PRUNE2: variants seen among roughly 807,000 people sequenced by gnomAD.
PRUNE2 encodes the protein prune homolog 2 with BCH domain.
A neutral mutation model predicts 252.0 loss-of-function variants in PRUNE2; 164 were observed. That is an observed-to-expected ratio of 0.65 (90% CI 0.57 to 0.74). PRUNE2 has a LOEUF of 0.74. PRUNE2 is among the 30% of genes least tolerant of loss of function. PRUNE2 has a pLI of 0.00. For synonymous variants in PRUNE2, 1,292 were observed against 1,350.2 expected (o/e 0.96, Z 0.94); for missense variants, 3,495 against 3,711.0 (o/e 0.94, Z 1.51).
chr9:76,819,157 G>C (rs1238467897), intron 6 of PRUNE2, among the ~76,000 whole-genome samples: 1 of 152,142 alleles, frequency 6.6e-6, no homozygotes, highest in African/African-American at 2.4e-5. Context: ...GGATGAGGTG[G>C]GAGGATCCCT....
At chr9:76,804,071 C>T (rs1198625883) in intron 6 of PRUNE2, among the ~76,000 whole-genome samples, 1 of 152,166 alleles carries the variant, frequency 6.6e-6, no homozygotes, top group Non-Finnish European at 1.5e-5. Context: ...CACACTGCCT[C>T]TCTCACACAT....
intron 1 of PRUNE2, among the ~76,000 whole-genome samples, chr9:76,889,363 T>C (rs1190825427): frequency 6.6e-6 from 1 of 151,358 alleles, no homozygotes; most frequent in Non-Finnish European, 1.5e-5. Flanking sequence ...AGACAGAGTT[T>C]AGGCTGGAGT....
intron 15 of PRUNE2, among the ~76,000 whole-genome samples, chr9:76,635,421 T>G (rs1480843625): frequency 6.6e-6 from 1 of 152,206 alleles, no homozygotes; most frequent in African/African-American, 2.4e-5. Context: ...CTAAAAATTC[T>G]GATAACTTCG....
intron 6 of PRUNE2, among the ~76,000 whole-genome samples, chr9:76,718,286 G>A (rs964015978): frequency 5.9e-5 from 9 of 152,206 alleles, no homozygotes; most frequent in African/African-American, 2.2e-4. Flanking sequence ...AGAATGTCTT[G>A]TAAACATTTC....
At chr9:76,888,790 G>A (rs571302878) in intron 1 of PRUNE2, among the ~76,000 whole-genome samples, 1 of 152,000 alleles carries the variant, frequency 6.6e-6, no homozygotes, top group African/African-American at 2.4e-5. Flanking sequence ...CTAAAAGACT[G>A]CCAGTTCCTT....
chr9:76,865,329 C>T (rs902224392), intron 1 of PRUNE2, among the ~76,000 whole-genome samples: 10 of 151,960 alleles, frequency 6.6e-5, no homozygotes, highest in African/African-American at 1.2e-4. Flanking sequence ...CCTGCCGCTA[C>T]AAAAGTAAAA....
chr9:76,683,855 TATATATAC>T (rs2043766689), intron 9 of PRUNE2, among the ~76,000 whole-genome samples: 2 of 151,722 alleles, frequency 1.3e-5, no homozygotes, highest in African/African-American at 4.8e-5. Flanking sequence ...TTTGTGTATG[TATATATAC>T]ATATATACAC....
rs182614013 is a variant in PRUNE2 at position 76,866,858 on chromosome 9, C to T, written c.37-12650G>A. ...AGGAAGTTAAGAGGGAGAGAGGGAGCGGATGGTCAGAAGGGAGGGAGGAGG... is the reference window on the plus strand; with the variant it reads ...AGGAAGTTAAGAGGGAGAGAGGGAGTGGATGGTCAGAAGGGAGGGAGGAGG... On this transcript the variant is annotated intron_variant, in intron 1 of 18. Coordinates refer to ENST00000376718, the MANE Select transcript of PRUNE2 (RefSeq NM_015225.3). Among the ~76,000 whole-genome samples the T allele has an allele frequency of 7.2e-5, 11 of 151,802 alleles. No individual in the cohort carries two copies. In the East Asian group the frequency reaches 1.2e-3, roughly 16 times the overall value.
chr9:76,768,216 G>A (rs2052642142), intron 6 of PRUNE2, among the ~76,000 whole-genome samples: 1 of 150,884 alleles, frequency 6.6e-6, no homozygotes, highest in African/African-American at 2.4e-5. Flanking sequence ...TTTTTGAGAT[G>A]GATTCTCGCT....
At chr9:76,872,597 GAA>G (rs1005629765) in intron 1 of PRUNE2, among the ~76,000 whole-genome samples, 2 of 102,258 alleles carry the variant, frequency 2.0e-5, no homozygotes, top group African/African-American at 7.9e-5. Context: ...GATGATTATG[GAA>G]AACACACACA....
At chr9:76,754,105 A>G (rs1179613183) in intron 6 of PRUNE2, among the ~76,000 whole-genome samples, 1 of 152,164 alleles carries the variant, frequency 6.6e-6, no homozygotes, top group African/African-American at 2.4e-5. Flanking sequence ...ATTTTTTCCA[A>G]TGCGTGTTAT....
chr9:76,653,700 T>C (rs1801224888), intron 10 of PRUNE2, among the ~76,000 whole-genome samples: 2 of 152,132 alleles, frequency 1.3e-5, no homozygotes, highest in African/African-American at 2.4e-5. Flanking sequence ...GACAACTCTG[T>C]ATATGATCTT....
At chr9:76,848,747 G>T (rs2059796690) in intron 3 of PRUNE2, among the ~76,000 whole-genome samples, 1 of 152,194 alleles carries the variant, frequency 6.6e-6, no homozygotes, top group South Asian at 2.1e-4. Flanking sequence ...TGATGGCAGA[G>T]AATTTGTCTT....
rs776778913 is a variant in PRUNE2 at position 76,644,764 on chromosome 9, G to C, written c.8703C>G (p.Pro2901=). ...CTCCGTGAGAAATGACTCTCCTGTA[G>C]GGCTCGATGACCTTCATGTCAATGC... The part of the protein sequence containing the change: ...EQRIDMKVIE[P]YRRVISHGGY... Residue 2901 remains proline (P), a synonymous_variant, in exon 12 of 19, where the codon CCC becomes CCG. Transcript: ENST00000376718. 2 of 1,613,852 alleles carry C rather than the reference G, an allele frequency of 1.2e-6. No individual in the cohort carries two copies. Among genetic ancestry groups the C allele is most frequent in the Non-Finnish European group, 1.7e-6 (2 of 1,179,836 alleles).
intron 6 of PRUNE2, chr9:76,738,889 A>AT (rs1312015567): frequency 6.6e-6 from 1 of 152,176 alleles, no homozygotes; most frequent in African/African-American, 2.4e-5. Flanking sequence ...CTTTAGGAAG[A>AT]TTTTTAGAGG....
At chr9:76,726,333 C>T (rs889600215) in intron 6 of PRUNE2, among the ~76,000 whole-genome samples, 1 of 152,172 alleles carries the variant, frequency 6.6e-6, no homozygotes, top group Non-Finnish European at 1.5e-5. Context: ...GGATGCTGAG[C>T]AGATAAGCCC....
chr9:76,678,169 C>T (rs574657456), intron 9 of PRUNE2, among the ~76,000 whole-genome samples: 11 of 151,590 alleles, frequency 7.3e-5, no homozygotes, highest in African/African-American at 2.2e-4. Flanking sequence ...CTGGCCAACA[C>T]GGCAAAACCC....
rs1407395926 is a variant in PRUNE2 at position 76,855,085 on chromosome 9, AT to A, written c.37-878del. 9.7e-4 allele frequency among the ~76,000 whole-genome samples: 88 copies of A among 90,612 alleles called. No homozygotes were observed. The East Asian group carries it at 0.019, about 20-fold the overall frequency. The allele number at this position is 90,612 out of a possible 152,430, so 59.4% of individuals were successfully genotyped here. A position where few individuals can be genotyped will look rare whatever the true frequency, so the allele number is the denominator to read the frequency against. On this transcript the variant is annotated intron_variant, in intron 1 of 18. Transcript: ENST00000376718. ...ATCTCAAAAAAAAAAAAAAAAAAAT[AT>A]ATATATATATATATATAGTCACCCC...
chr9:76,636,433 C>T (rs1355405183), intron 15 of PRUNE2, 38 bp downstream of exon 15: 2 of 1,091,496 alleles, frequency 1.8e-6, no homozygotes, highest in Non-Finnish European at 2.7e-6. Flanking sequence ...TTTAAAACTA[C>T]TAGTAGTACT....
Sources: allele counts gnomAD v4.1 joint callset (sites outside exome capture counted in the v4.1 genomes callset), GRCh38; gene constraint gnomAD v4.1.1; transcripts MANE v1.5; gene names NCBI Gene and HGNC (gene_info 2026-07-23, HGNC 2026-07-21).